Variants in TMIGD1 observed in about 807,000 individuals in gnomAD.
TMIGD1 encodes transmembrane and immunoglobulin domain containing 1.
TMIGD1 carries 29 observed loss-of-function variants against 27.5 expected under a neutral mutation model. The observed-to-expected ratio is 1.05, with a 90% CI of 0.78 to 1.44. TMIGD1 has a LOEUF of 1.44. Ranked by LOEUF, TMIGD1 falls within the 40% of genes most tolerant of loss-of-function variation. TMIGD1 has a pLI of 0.00. For synonymous variants in TMIGD1, 109 were observed against 110.3 expected (o/e 0.99, Z 0.07); for missense variants, 334 against 310.6 (o/e 1.08, Z -0.57).
At chr17:30,326,845 G>T (rs773310898) in intron 3 of TMIGD1, among the ~76,000 whole-genome samples, 5 of 152,104 alleles carry the variant, frequency 3.3e-5, no homozygotes, top group Non-Finnish European at 5.9e-5. Context: ...AGGTATGAGA[G>T]GACCTGTTTC....
At chr17:30,329,176 A>G (rs1269689670) in intron 3 of TMIGD1, 75 bp downstream of exon 3, 7 of 1,549,912 alleles carry the variant, frequency 4.5e-6, no homozygotes, top group Middle Eastern at 4.7e-4. Context: ...CAATACCAAG[A>G]CCTAGATTTC....
chr17:30,329,793 TG>T, intron 2 of TMIGD1, among the ~76,000 whole-genome samples: 1 of 152,248 alleles, frequency 6.6e-6, no homozygotes, highest in East Asian at 1.9e-4. Context: ...AAAGTACTGA[TG>T]TAGCTGGGTG....
At position 30,331,331 on chromosome 17, in the gene TMIGD1, T is replaced by TA. The variant is rs1909971990; in HGVS notation, c.82+720dup. Reference sequence around the variant, plus strand: ...GGATTTGTACTTTTCTTTTTTTTTTTATAGATTGCCTGATTTATTTTACAA... The same window carrying TA: ...GGATTTGTACTTTTCTTTTTTTTTTTAATAGATTGCCTGATTTATTTTACAA... On this transcript the variant is annotated intron_variant, in intron 2 of 6. Transcript: ENST00000328886. Among the ~76,000 whole-genome samples the TA allele has an allele frequency of 2.0e-5, 3 of 151,746 alleles. No homozygotes were observed. In the South Asian group the frequency reaches 6.2e-4, roughly 32 times the overall value.
rs751958337 is a variant in TMIGD1 at position 30,329,335 on chromosome 17, T to G, written c.277A>C (p.Ser93Arg). 1.1e-5 allele frequency: 18 copies of G among 1,614,146 alleles called. No homozygotes were observed. Among genetic ancestry groups the G allele is most frequent in the Non-Finnish European group, 1.4e-5 (16 of 1,180,030 alleles). ...AAGCTGATTCCGTTGTCATTTTCAC[T>G]GATGGAAGAGACACAGACAGAGCTG... ...NSSSVCVSSI[S>R]ENDNGISFTC... The change falls in exon 3 of 7, where the codon AGT becomes CGT. Residue 93 changes from serine (S) to arginine (R), a missense_variant. By Grantham distance (110) the Ser-to-Arg change is moderately radical. Coordinates refer to ENST00000328886, the MANE Select transcript of TMIGD1 (RefSeq NM_206832.3).
chr17:30,319,821 CATT>C (rs1909558538), intron 4 of TMIGD1, among the ~76,000 whole-genome samples: 1 of 151,796 alleles, frequency 6.6e-6, no homozygotes, highest in South Asian at 2.1e-4. Context: ...GGTGACAAGA[CATT>C]ATAGAAGGTA....
intron 4 of TMIGD1, among the ~76,000 whole-genome samples, chr17:30,321,310 A>T (rs755116153): frequency 6.6e-6 from 1 of 152,130 alleles, no homozygotes; most frequent in Non-Finnish European, 1.5e-5. Context: ...CCCGTTTCTT[A>T]AAAAAGTAAC....
intron 4 of TMIGD1, among the ~76,000 whole-genome samples, chr17:30,322,143 A>C (rs966105628): frequency 1.3e-5 from 2 of 152,134 alleles, no homozygotes; most frequent in African/African-American, 2.4e-5. Flanking sequence ...CTACCTTTTT[A>C]TCATTTCCTG....
rs367938074 is a variant in TMIGD1 at position 30,316,430 on chromosome 17, T to A, written c.*257A>T. The A allele has an allele frequency of 1.9e-5, 8 of 413,578 alleles. No homozygotes were observed. The highest frequency in any genetic ancestry group is 4.0e-5 in the East Asian group (1 of 24,808). 25.6% of individuals were successfully genotyped at this position (413,578 alleles called of 1,614,324 possible). A position where few individuals can be genotyped will look rare whatever the true frequency, so the allele number is the denominator to read the frequency against. On this transcript the variant is annotated 3_prime_UTR_variant, in exon 7 of 7. Coordinates refer to ENST00000328886, the MANE Select transcript of TMIGD1 (RefSeq NM_206832.3). ...AACAGTAAATGATTACCAACCTATT[T>A]GGAACAAATCTCAATTAATTAACAT...
At position 30,324,975 on chromosome 17, in the gene TMIGD1, G is replaced by A; in HGVS notation, c.481C>T (p.Leu161Phe). The A allele has an allele frequency of 6.2e-7, 1 of 1,614,126 alleles. No individual in the cohort carries two copies. Among genetic ancestry groups the A allele is most frequent in the Non-Finnish European group, 8.5e-7 (1 of 1,180,000 alleles). The change falls in exon 4 of 7, where the codon CTC (leucine) becomes TTC (phenylalanine). Residue 161 changes from leucine to phenylalanine, a missense_variant. By Grantham distance (22) the Leu-to-Phe change is conservative. Transcript: ENST00000328886. The stretch of plus-strand genomic sequence containing the variant: ...TGACGGCTTTTCTCTAAATCGAGGA[G>A]ACTACTGTTTTTGTACCACATCATT... ...AQMMWYKNSS[L>F]LDLEKSRHQI...
intron 3 of TMIGD1, among the ~76,000 whole-genome samples, chr17:30,327,499 C>G (rs371008463): frequency 4.8e-4 from 73 of 152,126 alleles, no homozygotes; most frequent in South Asian, 1.7e-3. Context: ...TCAGCTGCAC[C>G]TATGATTTGA....
In TMIGD1 at chr17:30,329,921, A is replaced by T. The variant is rs561471833; in HGVS notation, c.83-392T>A. 3.2e-3 allele frequency among the ~76,000 whole-genome samples: 389 copies of T among 123,472 alleles called. 1 individual carries two copies. The highest frequency in any genetic ancestry group is 0.011 in the African/African-American group (374 of 33,428). The allele number at this position is 123,472 out of a possible 152,430, so 81.0% of individuals were successfully genotyped here. On this transcript the variant is annotated intron_variant, in intron 2 of 6. Transcript: ENST00000328886. ...CTCCGTCTCTACAAAAAATAAAAAA[A>T]TAAAAAAAAAAACATTAGCCAGGCA... is the stretch of plus-strand genomic sequence containing the variant.
chr17:30,320,722 C>A (rs1453912536), intron 4 of TMIGD1, among the ~76,000 whole-genome samples: 1 of 152,136 alleles, frequency 6.6e-6, no homozygotes, highest in Non-Finnish European at 1.5e-5. Context: ...AGCCAGGCAG[C>A]GTGGCATATC....
chr17:30,325,768 C>G (rs1909754791), intron 3 of TMIGD1, among the ~76,000 whole-genome samples: 1 of 152,108 alleles, frequency 6.6e-6, no homozygotes, highest in Non-Finnish European at 1.5e-5. Flanking sequence ...TGCGTTTTCT[C>G]AGTGGTGCTC....
intron 5 of TMIGD1, 79 bp downstream of exon 5, chr17:30,318,731 G>A (rs1320787909): frequency 5.6e-6 from 6 of 1,068,196 alleles, no homozygotes; most frequent in African/African-American, 3.1e-5. Flanking sequence ...GTTCCTAACT[G>A]AAGTCACTTA....
intron 4 of TMIGD1, among the ~76,000 whole-genome samples, chr17:30,320,191 C>T (rs150341792): frequency 6.6e-6 from 1 of 152,160 alleles, no homozygotes; most frequent in East Asian, 1.9e-4. Context: ...GCACGTGCTA[C>T]CATACCGAGA....
chr17:30,318,882 A>T lies in TMIGD1; in HGVS notation c.672T>A (p.Ile224=). The change falls in exon 5 of 7, where the codon ATT becomes ATA. Residue 224 remains isoleucine, a synonymous_variant. Coordinates refer to ENST00000328886, the MANE Select transcript of TMIGD1 (RefSeq NM_206832.3). ...DKTVGVPIEP[I]IAACVVIFLT... ...GAAAGATCACAACACATGCAGCAATAATGGGCTCTATTGGTACACCCACAG... is the reference window on the plus strand; with the variant it reads ...GAAAGATCACAACACATGCAGCAATTATGGGCTCTATTGGTACACCCACAG... 6.2e-7 allele frequency: 1 copy of T among 1,613,928 alleles called. No homozygotes were observed. Among genetic ancestry groups the T allele is most frequent in the Non-Finnish European group, 8.5e-7 (1 of 1,179,830 alleles).
intron 2 of TMIGD1, 142 bp downstream of exon 2, chr17:30,331,910 T>G: frequency 5.1e-6 from 3 of 584,190 alleles, no homozygotes; most frequent in Non-Finnish European, 9.1e-6. Flanking sequence ...TTATTGTTAG[T>G]TGACTCCTGT....
intron 3 of TMIGD1, among the ~76,000 whole-genome samples, chr17:30,325,725 A>T (rs1285233208): frequency 6.6e-6 from 1 of 151,798 alleles, no homozygotes; most frequent in African/African-American, 2.4e-5. Context: ...TTATCGAACC[A>T]TTGCCTTGGT....
intron 1 of TMIGD1, among the ~76,000 whole-genome samples, chr17:30,333,484 T>A (rs1910049532): frequency 6.6e-6 from 1 of 151,776 alleles, no homozygotes; most frequent in Non-Finnish European, 1.5e-5. Flanking sequence ...AAAGCTGCTG[T>A]TAATCTTTTC....
Sources: gnomAD v4.1 joint callset for allele counts (sites outside exome capture counted in the v4.1 genomes callset) on GRCh38, gnomAD v4.1.1 for gene constraint, MANE v1.5 for transcripts, NCBI Gene and HGNC (gene_info 2026-07-23, HGNC 2026-07-21) for gene names.